The following MECOM variants were observed in gnomAD, a reference collection of about 807,000 sequenced individuals.
MECOM encodes the protein MDS1 and EVI1 complex locus.
MECOM carries 13 observed loss-of-function variants against 116.3 expected under a neutral mutation model. That is an observed-to-expected ratio of 0.11 (90% CI 0.07 to 0.18). The LOEUF (loss-of-function observed/expected upper bound fraction) is 0.18. MECOM is among the 10% of genes least tolerant of loss of function. The pLI, the probability that MECOM is intolerant of heterozygous loss-of-function variation, is 1.00. For missense variants in MECOM, 1,299 were observed against 1,509.0 expected (o/e 0.86, Z 2.31); for synonymous variants, 528 against 535.2 (o/e 0.99, Z 0.19).
intron 12 of MECOM, among the ~76,000 whole-genome samples, chr3:169,095,570 GACAAT>G (rs1434384607): frequency 6.6e-6 from 1 of 151,950 alleles, no homozygotes; most frequent in African/African-American, 2.4e-5. Flanking sequence ...TTCTGCTTAG[GACAAT>G]ACAACTAATT....
intron 2 of MECOM, among the ~76,000 whole-genome samples, chr3:169,356,720 T>C (rs1218590917): frequency 6.6e-6 from 1 of 151,900 alleles, no homozygotes; most frequent in South Asian, 2.1e-4. Context: ...GTCCCAGGCT[T>C]TTTGTTGTCT....
At chr3:169,324,594 T>G (rs1422725703) in intron 2 of MECOM, among the ~76,000 whole-genome samples, 1 of 152,250 alleles carries the variant, frequency 6.6e-6, no homozygotes, top group Non-Finnish European at 1.5e-5. Flanking sequence ...TTCGGCAACG[T>G]GCCAAAGTCC....
Position 169,131,521 on chromosome 3 carries a change from C to G in MECOM, c.521G>C (p.Arg174Thr). 1.9e-6 allele frequency: 3 copies of G among 1,611,970 alleles called. No homozygotes were observed. The highest frequency in any genetic ancestry group is 2.5e-6 in the Non-Finnish European group (3 of 1,179,016). ...TCCCGGCGCAATGTCTGCAACTACT[C>G]TATAGAATATCTTTAAAGACAAAAT... ...ACQINDQIFY[R>T]VVADIAPGEE... Residue 174 changes from arginine to threonine, a missense_variant, in exon 4 of 17, where the codon AGA becomes ACA. By Grantham distance (71) the Arg-to-Thr change is moderately conservative. Transcript: ENST00000651503.
chr3:169,110,756 T>A (rs1381856328), intron 9 of MECOM, among the ~76,000 whole-genome samples: 1 of 152,130 alleles, frequency 6.6e-6, no homozygotes, highest in African/African-American at 2.4e-5. Context: ...TTCTAAGTAT[T>A]TTGATCACCA....
intron 2 of MECOM, among the ~76,000 whole-genome samples, chr3:169,212,633 AATGTATATATATATATATATATAT>A (rs1275778510): frequency 0.069 from 5,917 of 85,508 alleles, 758 homozygotes; most frequent in African/African-American, 0.16. Flanking sequence ...TCTAGTCAGC[AATGTATATATATATATATATATAT>A]ATATATATAT....
chr3:169,203,126 T>C (rs1236539398), intron 2 of MECOM, among the ~76,000 whole-genome samples: 7 of 152,172 alleles, frequency 4.6e-5, no homozygotes, highest in Non-Finnish European at 1.0e-4. Flanking sequence ...ATGAACTTCG[T>C]TGGCGCCATT....
chr3:169,444,091 T>C (rs571077837), intron 1 of MECOM, among the ~76,000 whole-genome samples: 2 of 152,346 alleles, frequency 1.3e-5, no homozygotes, highest in African/African-American at 4.8e-5. Flanking sequence ...TCCTTTGCCC[T>C]GTCTTTCCTA....
chr3:169,089,979 A>G (rs1360764574), intron 15 of MECOM, 21 bp downstream of exon 15: 9 of 1,604,370 alleles, frequency 5.6e-6, no homozygotes, highest in Non-Finnish European at 7.7e-6. Context: ...CTTAGTTTCT[A>G]AAGTCACCCA....
chr3:169,398,086 G>T (rs1448797037), intron 1 of MECOM, among the ~76,000 whole-genome samples: 1 of 152,098 alleles, frequency 6.6e-6, no homozygotes. Flanking sequence ...TGATATTCTT[G>T]GGACTGTGTG....
chr3:169,354,811 C>T (rs1428139418), intron 2 of MECOM, among the ~76,000 whole-genome samples: 1 of 151,842 alleles, frequency 6.6e-6, no homozygotes. Context: ...GCTGGGGCTT[C>T]AGCTTTAGGT....
At chr3:169,602,147 T>C (rs912515636) in intron 1 of MECOM, among the ~76,000 whole-genome samples, 1 of 152,202 alleles carries the variant, frequency 6.6e-6, no homozygotes, top group African/African-American at 2.4e-5. Flanking sequence ...ATACTCTGAT[T>C]TGAATGGTGG....
At chr3:169,398,205 T>G (rs1393267431) in intron 1 of MECOM, among the ~76,000 whole-genome samples, 1 of 152,220 alleles carries the variant, frequency 6.6e-6, no homozygotes, top group Non-Finnish European at 1.5e-5. Flanking sequence ...AAATCCTCAC[T>G]TGGTCCAAGA....
In MECOM at chr3:169,584,358, G is replaced by A. The variant is rs556426871; in HGVS notation, c.37+78978C>T. ...GGGCGGGCGGATCACGAGGTCTGGA[G>A]ATAGAGACCATCTTGGCTAACACGG... On this transcript the variant is annotated intron_variant, in intron 1 of 16. Coordinates refer to ENST00000651503, the MANE Select transcript of MECOM (RefSeq NM_004991.4). Among the ~76,000 whole-genome samples the A allele has an allele frequency of 1.8e-4, 28 of 151,546 alleles. No homozygotes were observed. The South Asian group carries it at 5.4e-3, about 29-fold the overall frequency.
chr3:169,402,032 C>A (rs1407485725), intron 1 of MECOM, among the ~76,000 whole-genome samples: 1 of 152,094 alleles, frequency 6.6e-6, no homozygotes, highest in Non-Finnish European at 1.5e-5. Context: ...CAGTCAGAGG[C>A]TGTTTCAGTA....
chr3:169,293,730 C>T (rs1485509695), intron 2 of MECOM, among the ~76,000 whole-genome samples: 1 of 152,194 alleles, frequency 6.6e-6, no homozygotes, highest in Admixed American at 6.5e-5. Context: ...ACTAAAAAGT[C>T]CATGAGGGTA....
At chr3:169,202,364 T>C (rs1275242342) in intron 2 of MECOM, among the ~76,000 whole-genome samples, 2 of 152,156 alleles carry the variant, frequency 1.3e-5, no homozygotes, top group African/African-American at 4.8e-5. Flanking sequence ...CTGGTGAATA[T>C]AACTTTGGGT....
intron 1 of MECOM, among the ~76,000 whole-genome samples, chr3:169,458,476 T>C (rs934737714): frequency 6.6e-6 from 1 of 152,230 alleles, no homozygotes; most frequent in Admixed American, 6.5e-5. Flanking sequence ...ACAACTCTTC[T>C]GCTCCCGAGT....
intron 2 of MECOM, among the ~76,000 whole-genome samples, chr3:169,349,767 G>T (rs566475726): frequency 6.6e-6 from 1 of 151,920 alleles, no homozygotes; most frequent in East Asian, 1.9e-4. Context: ...AAGAATGAAC[G>T]ATCTTTTCTT....
intron 1 of MECOM, among the ~76,000 whole-genome samples, chr3:169,475,219 C>T (rs1405791662): frequency 6.6e-6 from 1 of 152,116 alleles, no homozygotes; most frequent in Non-Finnish European, 1.5e-5. Context: ...TTATTTGTTG[C>T]CAATGGTTGC....
Sources: allele counts gnomAD v4.1 joint callset (sites outside exome capture counted in the v4.1 genomes callset), GRCh38; gene constraint gnomAD v4.1.1; transcripts MANE v1.5; gene names NCBI Gene and HGNC (gene_info 2026-07-23, HGNC 2026-07-21).